The following TNRC6B variants were observed in gnomAD, a reference collection of about 807,000 sequenced individuals.
The protein encoded by TNRC6B is trinucleotide repeat-containing gene 6B protein.
In TNRC6B, 52 loss-of-function variants were observed where a neutral mutation model predicts 203.6. The observed-to-expected ratio is 0.26, with a 90% CI of 0.20 to 0.32. The LOEUF (loss-of-function observed/expected upper bound fraction) is 0.32, where lower values mean the gene tolerates loss of function less well. Among genes scored for constraint, TNRC6B ranks in the 10% least tolerant of loss-of-function variants. The probability of loss-of-function intolerance (pLI) is 1.00; values close to 1 mark genes in which losing one functional copy is unlikely to be tolerated. For synonymous variants in TNRC6B, 838 were observed against 845.7 expected (o/e 0.99, Z 0.16); for missense variants, 1,923 against 2,286.2 (o/e 0.84, Z 3.24).
intron 1 of TNRC6B, among the ~76,000 whole-genome samples, chr22:40,095,887 C>T (rs1202453107): frequency 6.6e-6 from 1 of 151,962 alleles, no homozygotes; most frequent in Non-Finnish European, 1.5e-5. Context: ...GTACCACAAC[C>T]TGTAACCCTC....
Position 40,048,807 on chromosome 22 carries a change from TTTCC to T in TNRC6B, c.-121+3829_-121+3832del, listed in dbSNP as rs546126130. Among the ~76,000 whole-genome samples the T allele has an allele frequency of 7.5e-4, 114 of 152,012 alleles. 1 individual carries two copies. The highest frequency in any genetic ancestry group is 1.7e-3 in the African/African-American group (69 of 41,504). On this transcript the variant is annotated intron_variant, in intron 1 of 23. Transcript: ENST00000301923. ...TTGTATCACGGCTTTCTCTTTTCTTTTTCCTTCCTTCCTTCCTTCCTTCTATCCA... is the reference window on the plus strand; with the variant it reads ...TTGTATCACGGCTTTCTCTTTTCTTTTTCCTTCCTTCCTTCCTTCTATCCA...
At chr22:40,200,438 C>T (rs977026779) in intron 1 of TNRC6B, among the ~76,000 whole-genome samples, 7 of 151,032 alleles carry the variant, frequency 4.6e-5, no homozygotes, top group African/African-American at 1.7e-4. Context: ...AGGCGTGCAC[C>T]CCCACGCCCA....
At chr22:40,106,874 A>C in intron 1 of TNRC6B, 1 of 984,672 alleles carries the variant, frequency 1.0e-6, no homozygotes, top group African/African-American at 1.6e-5. Context: ...AGTTCTGTCC[A>C]TCTGCCTATG....
intron 4 of TNRC6B, among the ~76,000 whole-genome samples, chr22:40,162,813 G>A (rs1359214581): frequency 6.6e-6 from 1 of 152,062 alleles, no homozygotes; most frequent in Non-Finnish European, 1.5e-5. Flanking sequence ...AGCTTTTGGG[G>A]GAAATGAGTT....
At chr22:40,226,555 G>T (rs1250226266) in intron 1 of TNRC6B, among the ~76,000 whole-genome samples, 1 of 152,156 alleles carries the variant, frequency 6.6e-6, no homozygotes, top group African/African-American at 2.4e-5. Flanking sequence ...TTAAAGCGTA[G>T]ATCTGGAAAG....
chr22:40,240,803 C>T (rs1470578690), intron 1 of TNRC6B, among the ~76,000 whole-genome samples: 1 of 152,048 alleles, frequency 6.6e-6, no homozygotes, highest in Non-Finnish European at 1.5e-5. Flanking sequence ...GCATTTGTTG[C>T]TGTATGGGAG....
chr22:40,203,213 C>A (rs909461932), intron 1 of TNRC6B, among the ~76,000 whole-genome samples: 1 of 152,100 alleles, frequency 6.6e-6, no homozygotes, highest in Non-Finnish European at 1.5e-5. Flanking sequence ...TGCTTCCCAG[C>A]CAGGTGTCAG....
intron 3 of TNRC6B, among the ~76,000 whole-genome samples, chr22:40,257,673 G>T (rs1052937814): frequency 1.3e-5 from 2 of 151,866 alleles, no homozygotes; most frequent in African/African-American, 2.4e-5. Context: ...CCGAGATCAC[G>T]CCACTGTACT....
chr22:40,099,669 A>G (rs1305240603), intron 1 of TNRC6B, among the ~76,000 whole-genome samples: 5 of 152,234 alleles, frequency 3.3e-5, no homozygotes, highest in East Asian at 1.9e-4. Flanking sequence ...GATTACATTT[A>G]AAGAATACAG....
At chr22:40,312,751 C>A in intron 18 of TNRC6B, 100 bp downstream of exon 18, 1 of 1,498,488 alleles carries the variant, frequency 6.7e-7, no homozygotes, top group Non-Finnish European at 9.1e-7. Flanking sequence ...AAAGTTTAAC[C>A]AAAAAATGTA....
At chr22:40,143,539 A>G (rs1045827065) in intron 3 of TNRC6B, among the ~76,000 whole-genome samples, 2 of 152,088 alleles carry the variant, frequency 1.3e-5, no homozygotes, top group East Asian at 3.9e-4. Flanking sequence ...ACCCAGGCTG[A>G]AGTGCAGTGG....
intron 3 of TNRC6B, among the ~76,000 whole-genome samples, chr22:40,135,608 C>G (rs1284446911): frequency 6.6e-6 from 1 of 152,118 alleles, no homozygotes; most frequent in African/African-American, 2.4e-5. Context: ...CTCAAGTGAT[C>G]TTCCCACCTC....
At chr22:40,279,628 A>G (rs1039780890) in intron 9 of TNRC6B, among the ~76,000 whole-genome samples, 22 of 152,326 alleles carry the variant, frequency 1.4e-4, no homozygotes, top group African/African-American at 4.8e-5. Context: ...CCCTGAGGAC[A>G]TTTGAATTTA....
intron 1 of TNRC6B, among the ~76,000 whole-genome samples, chr22:40,078,019 G>C (rs6001748): frequency 6.6e-6 from 1 of 152,144 alleles, no homozygotes; most frequent in Non-Finnish European, 1.5e-5. Context: ...ACACCTATGT[G>C]TGCACACATC....
At position 40,277,061 on chromosome 22, in the gene TNRC6B, T is replaced by C; in HGVS notation, c.3142-16T>C. 2 of 1,566,836 alleles carry C rather than the reference T, an allele frequency of 1.3e-6. No individual in the cohort carries two copies. The highest frequency in any genetic ancestry group is 1.7e-6 in the Non-Finnish European group (2 of 1,159,444). On this transcript the variant is annotated splice_polypyrimidine_tract_variant and intron_variant, in intron 7 of 22. Coordinates refer to ENST00000454349, the MANE Select transcript of TNRC6B (RefSeq NM_001162501.2). ...TAAATTATTTGGTTCTGAGGTTCCG[T>C]GTTTCATTTCTGTAGTGCTCACTCA... is the stretch of plus-strand genomic sequence containing the variant.
In TNRC6B at chr22:40,328,740, A is replaced by T. The variant is rs2071431302; in HGVS notation, c.*5499A>T. On this transcript the variant is annotated 3_prime_UTR_variant, in exon 23 of 23. Transcript: ENST00000454349. The stretch of plus-strand genomic sequence containing the variant: ...AGAGTAAACAGGATGTTTTCAGCAG[A>T]CTTGGCTCTAATAGCCATCTCTAAG... The T allele has an allele frequency of 6.6e-6, 1 of 152,222 alleles. No homozygotes were observed. Among genetic ancestry groups the T allele is most frequent in the Non-Finnish European group, 1.5e-5 (1 of 68,036 alleles). 9.4% of individuals were successfully genotyped at this position (152,222 alleles called of 1,614,324 possible). A position where few individuals can be genotyped will look rare whatever the true frequency, so the allele number is the denominator to read the frequency against.
At chr22:40,050,384 G>C (rs1457431360) in intron 1 of TNRC6B, among the ~76,000 whole-genome samples, 1 of 152,058 alleles carries the variant, frequency 6.6e-6, no homozygotes, top group Non-Finnish European at 1.5e-5. Context: ...CCTCCTCTCT[G>C]AGCATCTTAA....
intron 1 of TNRC6B, among the ~76,000 whole-genome samples, chr22:40,184,101 C>T (rs1397797292): frequency 6.6e-6 from 1 of 152,128 alleles, no homozygotes; most frequent in East Asian, 1.9e-4. Context: ...CATTCATTGA[C>T]GTTGGAATTT....
chr22:40,113,580 C>T (rs1193303695), intron 1 of TNRC6B, among the ~76,000 whole-genome samples: 1 of 152,212 alleles, frequency 6.6e-6, no homozygotes, highest in Non-Finnish European at 1.5e-5. Flanking sequence ...TAGTCTTGAA[C>T]TCGTGAGCTC....
Sources: gnomAD v4.1 joint callset for allele counts (sites outside exome capture counted in the v4.1 genomes callset) on GRCh38, gnomAD v4.1.1 for gene constraint, MANE v1.5 for transcripts, NCBI Gene and HGNC (gene_info 2026-07-23, HGNC 2026-07-21) for gene names.